The following LYG2 variants were observed in gnomAD, a reference collection of about 807,000 sequenced individuals.
LYG2 encodes lysozyme g-like protein 2.
In LYG2, 25 loss-of-function variants were observed where a neutral mutation model predicts 22.4. The observed-to-expected ratio is 1.12, with a 90% CI of 0.81 to 1.56. The LOEUF (loss-of-function observed/expected upper bound fraction) is 1.56. Ranked by LOEUF, LYG2 falls within the 40% of genes most tolerant of loss-of-function variation. LYG2 has a pLI of 0.00. For synonymous variants in LYG2, 88 were observed against 97.0 expected (o/e 0.91, Z 0.55); for missense variants, 266 against 269.5 (o/e 0.99, Z 0.09).
At chr2:99,256,222 T>C (rs764513141), upstream of LYG2, among the ~76,000 whole-genome samples, 2 of 152,148 alleles carry the variant, frequency 1.3e-5, no homozygotes, top group Non-Finnish European at 2.9e-5. Flanking sequence ...CCACTGGCAT[T>C]CACTTCTGCC....
chr2:99,256,681 G>A (rs2094036953), upstream of LYG2, among the ~76,000 whole-genome samples: 3 of 152,220 alleles, frequency 2.0e-5, no homozygotes, highest in Non-Finnish European at 2.9e-5. Context: ...TTAAAGCACT[G>A]TTGAATGTGA....
At chr2:99,247,200 C>G (rs1409025741) in intron 3 of LYG2, among the ~76,000 whole-genome samples, 2 of 152,098 alleles carry the variant, frequency 1.3e-5, no homozygotes, top group African/African-American at 4.8e-5. Context: ...TCAAACTATC[C>G]TCCCACCCCA....
chr2:99,243,285 C>A, intron 6 of LYG2: 1 of 706,664 alleles, frequency 1.4e-6, no homozygotes, highest in Non-Finnish European at 2.3e-6. Flanking sequence ...GAAGAAAGAG[C>A]AAATTTATAG....
chr2:99,257,682 A>G (rs2094038715), upstream of LYG2, among the ~76,000 whole-genome samples: 2 of 152,130 alleles, frequency 1.3e-5, no homozygotes, highest in Admixed American at 6.5e-5. Context: ...CTGGTCCCCT[A>G]CCCCTCAAAT....
chr2:99,243,943 C>T, intron 6 of LYG2, 56 bp downstream of exon 6: 1 of 1,605,704 alleles, frequency 6.2e-7, no homozygotes, highest in Non-Finnish European at 8.5e-7. Context: ...GTCACACTGG[C>T]CTTCAGTGGT....
intron 5 of LYG2, among the ~76,000 whole-genome samples, 178 bp downstream of exon 5, chr2:99,245,084 C>T (rs571958027): frequency 3.2e-4 from 48 of 150,644 alleles, no homozygotes; most frequent in Non-Finnish European, 6.2e-4. Context: ...GCACTCCAGC[C>T]TGGGTAACAA....
upstream of LYG2, among the ~76,000 whole-genome samples, chr2:99,256,436 G>A (rs2094036432): frequency 6.6e-6 from 1 of 152,164 alleles, no homozygotes; most frequent in Admixed American, 6.5e-5. Flanking sequence ...GAGTCTAACT[G>A]CCCTGAGGCA....
At chr2:99,259,213 G>A (rs1254194918), upstream of LYG2, among the ~76,000 whole-genome samples, 4 of 146,190 alleles carry the variant, frequency 2.7e-5, no homozygotes, top group Non-Finnish European at 3.0e-5. Context: ...CAAGAGCAAT[G>A]AAAAAAAAAA....
upstream of LYG2, among the ~76,000 whole-genome samples, chr2:99,257,908 A>G (rs1410968464): frequency 1.3e-5 from 2 of 152,228 alleles, no homozygotes; most frequent in Non-Finnish European, 2.9e-5. Flanking sequence ...GGTACTCTGT[A>G]TAGCCAGGGA....
chr2:99,250,528 T>C (rs576076048), intron 3 of LYG2, among the ~76,000 whole-genome samples: 1,801 of 152,148 alleles, frequency 0.012, 10 homozygotes, highest in Non-Finnish European at 0.018. Flanking sequence ...GCGCCTGCCA[T>C]CACACCCGGC....
At chr2:99,258,623 C>T (rs962392262), upstream of LYG2, among the ~76,000 whole-genome samples, 5 of 152,206 alleles carry the variant, frequency 3.3e-5, no homozygotes, top group African/African-American at 1.2e-4. Flanking sequence ...TGTTTCACAG[C>T]TCTGAAACCT....
In LYG2 at chr2:99,254,233, G is replaced by A. The variant is rs758207048; in HGVS notation, c.28C>T (p.Leu10=). Residue 10 remains leucine, a synonymous_variant, in exon 3 of 7, where the codon CTA becomes TTA. Coordinates refer to ENST00000333017, the MANE Select transcript of LYG2 (RefSeq NM_175735.4). The part of the protein sequence containing the change: MLSSVVFWG[L]IALIGTSRGS... ...AGTGACTTACCAATGAGGGCAATTA[G>A]TCCCCAAAACACCACGGAGGATAAC... 1 of 1,614,042 alleles carries A rather than the reference G, an allele frequency of 6.2e-7. No homozygotes were observed. Among genetic ancestry groups the A allele is most frequent in the Non-Finnish European group, 8.5e-7 (1 of 1,179,954 alleles).
At chr2:99,249,668 G>A (rs1479182611) in intron 3 of LYG2, among the ~76,000 whole-genome samples, 1 of 142,322 alleles carries the variant, frequency 7.0e-6, no homozygotes, top group African/African-American at 2.6e-5. Flanking sequence ...GGCTGAGGCA[G>A]AAGAATCGCT....
intron 6 of LYG2, among the ~76,000 whole-genome samples, chr2:99,243,036 G>A (rs1395978986): frequency 6.6e-6 from 1 of 152,202 alleles, no homozygotes; most frequent in Non-Finnish European, 1.5e-5. Flanking sequence ...TATCCAGAGA[G>A]GAAGATGCCT....
At chr2:99,244,537 TC>T (rs1384374176) in intron 5 of LYG2, among the ~76,000 whole-genome samples, 4 of 152,146 alleles carry the variant, frequency 2.6e-5, no homozygotes, top group Non-Finnish European at 5.9e-5. Flanking sequence ...ATAATTTGGA[TC>T]CCCTTCCTCC....
At chr2:99,257,953 T>C (rs1330362649), upstream of LYG2, among the ~76,000 whole-genome samples, 2 of 152,208 alleles carry the variant, frequency 1.3e-5, no homozygotes, top group Admixed American at 1.3e-4. Flanking sequence ...GCAAGACTTC[T>C]CAATTCATAC....
In LYG2 at chr2:99,250,596, G is replaced by A. The variant is rs562888074; in HGVS notation, c.43+3622C>T. ...TCAGCATGTTAGCCAGGATGGTCTCGATCTGCTGACCTTGTGATCCGCCCA... is the reference window on the plus strand; with the variant it reads ...TCAGCATGTTAGCCAGGATGGTCTCAATCTGCTGACCTTGTGATCCGCCCA... On this transcript the variant is annotated intron_variant, in intron 3 of 6. Transcript: ENST00000333017. Among the ~76,000 whole-genome samples the A allele has an allele frequency of 4.0e-4, 61 of 152,186 alleles. 1 individual carries two copies. Among genetic ancestry groups the A allele is most frequent in the Middle Eastern group, 6.8e-3 (2 of 294 alleles).
chr2:99,256,553 G>T (rs2105277063), upstream of LYG2, among the ~76,000 whole-genome samples: 1 of 152,324 alleles, frequency 6.6e-6, no homozygotes, highest in East Asian at 1.9e-4. Flanking sequence ...TAAGTGCAAT[G>T]AGAAAGCTCA....
chr2:99,245,658 CTG>C (rs879292971), intron 4 of LYG2, among the ~76,000 whole-genome samples, 200 bp from the exon 5 acceptor site: 2 of 149,102 alleles, frequency 1.3e-5, no homozygotes, highest in Non-Finnish European at 3.0e-5. Flanking sequence ...AGAAAAGAAA[CTG>C]TTTCTTCTAC....
Sources: gnomAD v4.1 joint callset for allele counts (sites outside exome capture counted in the v4.1 genomes callset) on GRCh38, gnomAD v4.1.1 for gene constraint, MANE v1.5 for transcripts, NCBI Gene and HGNC (gene_info 2026-07-23, HGNC 2026-07-21) for gene names.